PPARGC1A: variants seen among roughly 807,000 people sequenced by gnomAD.
The protein encoded by PPARGC1A is PPARG coactivator 1 alpha.
In PPARGC1A, 25 loss-of-function variants were observed where a neutral mutation model predicts 88.7. That is an observed-to-expected ratio of 0.28 (90% CI 0.21 to 0.39). The LOEUF is 0.39. Ranked by LOEUF, PPARGC1A falls within the 10% of genes least tolerant of loss-of-function variation. PPARGC1A has a pLI of 1.00. For missense variants in PPARGC1A, 880 were observed against 968.7 expected (o/e 0.91, Z 1.22); for synonymous variants, 363 against 355.6 (o/e 1.02, Z -0.24).
At chr4:24,128,531 AGTGTGTGTGTGTGTGTGT>A in the PPARGC1A span, among the ~76,000 whole-genome samples, 71 of 138,276 alleles carry the variant, frequency 5.1e-4, 1 homozygote, top group African/African-American at 1.5e-3. Flanking sequence ...AGCCTGTCAC[AGTGTGTGTGTGTGTGTGT>A]GTGTGTGTGT....
the PPARGC1A span, among the ~76,000 whole-genome samples, chr4:24,331,798 G>A: frequency 1.3e-5 from 2 of 149,434 alleles, no homozygotes; most frequent in Non-Finnish European, 3.0e-5. Flanking sequence ...TTAAGTTCTG[G>A]GATACATGTG....
chr4:23,886,441 G>C (rs914648743), intron 1 of PPARGC1A, among the ~76,000 whole-genome samples: 2 of 151,976 alleles, frequency 1.3e-5, no homozygotes, highest in Admixed American at 6.6e-5. Flanking sequence ...AGGGGAGGAT[G>C]GGGGGAGACT....
the PPARGC1A span, among the ~76,000 whole-genome samples, chr4:24,096,929 T>C: frequency 6.6e-6 from 1 of 152,120 alleles, no homozygotes; most frequent in Non-Finnish European, 1.5e-5. Flanking sequence ...CTTTAGCTTA[T>C]AGAATAAAAA....
the PPARGC1A span, among the ~76,000 whole-genome samples, chr4:24,002,974 T>C: frequency 9.3e-4 from 142 of 152,370 alleles, no homozygotes; most frequent in African/African-American, 3.3e-3. Flanking sequence ...AAAACTGTGC[T>C]CATTACATTC....
chr4:24,159,527 TAA>T, the PPARGC1A span, among the ~76,000 whole-genome samples: 8 of 152,312 alleles, frequency 5.3e-5, no homozygotes, highest in Non-Finnish European at 1.0e-4. Context: ...GTAAATTTTC[TAA>T]AGTCACATAG....
the PPARGC1A span, among the ~76,000 whole-genome samples, chr4:24,309,536 T>C: frequency 3.9e-5 from 6 of 152,134 alleles, no homozygotes; most frequent in Non-Finnish European, 7.3e-5. Context: ...AAGGAATCTA[T>C]CTAGATCACT....
the PPARGC1A span, among the ~76,000 whole-genome samples, chr4:23,937,671 A>G: frequency 2.6e-5 from 4 of 152,180 alleles, no homozygotes; most frequent in East Asian, 1.9e-4. Context: ...TCAATTTTCA[A>G]TCATTGAACA....
the PPARGC1A span, among the ~76,000 whole-genome samples, chr4:24,098,779 T>C: frequency 6.6e-6 from 1 of 152,218 alleles, no homozygotes; most frequent in African/African-American, 2.4e-5. Flanking sequence ...TTAATGGAAA[T>C]CAGATGACTT....
chr4:23,932,380 G>A, the PPARGC1A span, among the ~76,000 whole-genome samples: 2 of 152,056 alleles, frequency 1.3e-5, no homozygotes, highest in Non-Finnish European at 2.9e-5. Context: ...TCTATAGATC[G>A]AAGTGCAGAC....
At chr4:24,190,407 C>T in the PPARGC1A span, among the ~76,000 whole-genome samples, 5 of 152,030 alleles carry the variant, frequency 3.3e-5, no homozygotes, top group South Asian at 8.3e-4. Context: ...CCCAGCTACT[C>T]GGGAAGCTGA....
chr4:24,219,773 A>G, the PPARGC1A span, among the ~76,000 whole-genome samples: 1 of 152,136 alleles, frequency 6.6e-6, no homozygotes, highest in Non-Finnish European at 1.5e-5. Flanking sequence ...CCATACAGAC[A>G]TAAGCCAACA....
the PPARGC1A span, among the ~76,000 whole-genome samples, chr4:24,345,158 C>T: frequency 6.6e-6 from 1 of 152,076 alleles, no homozygotes; most frequent in East Asian, 1.9e-4. Context: ...GTGACTATAG[C>T]CTTATAGGAT....
the PPARGC1A span, among the ~76,000 whole-genome samples, chr4:24,302,484 C>T: frequency 6.6e-6 from 1 of 152,218 alleles, no homozygotes; most frequent in Non-Finnish European, 1.5e-5. Context: ...TAAACCGGGG[C>T]ACTTTGACAG....
chr4:24,047,817 T>A, the PPARGC1A span, among the ~76,000 whole-genome samples: 6 of 152,324 alleles, frequency 3.9e-5, no homozygotes, highest in South Asian at 2.1e-4. Flanking sequence ...ACAGGGAAGC[T>A]ATACAATCGT....
chr4:24,415,027 TA>T, the PPARGC1A span, among the ~76,000 whole-genome samples: 1 of 151,976 alleles, frequency 6.6e-6, no homozygotes, highest in Non-Finnish European at 1.5e-5. Context: ...CCGTCTCTAC[TA>T]AAAATAGAAA....
At chr4:24,163,425 C>G in the PPARGC1A span, among the ~76,000 whole-genome samples, 1 of 151,958 alleles carries the variant, frequency 6.6e-6, no homozygotes, top group Non-Finnish European at 1.5e-5. Context: ...TTTAAAATAT[C>G]AGCACTTTTG....
chr4:24,427,011 A>T, the PPARGC1A span, among the ~76,000 whole-genome samples: 1 of 152,194 alleles, frequency 6.6e-6, no homozygotes, highest in African/African-American at 2.4e-5. Flanking sequence ...GAAATGACAT[A>T]TCAATATTCC....
At chr4:24,110,234 A>G in the PPARGC1A span, among the ~76,000 whole-genome samples, 1 of 152,180 alleles carries the variant, frequency 6.6e-6, no homozygotes, top group East Asian at 1.9e-4. Flanking sequence ...CAATGGACAC[A>G]TTGTGTATGG....
Position 23,795,684 on chromosome 4 carries a change from G to GTTGTT in PPARGC1A, c.*133_*137dup. ...TTGTTGTTGTTCTTGTTGTATTGTT[G>GTTGTT]TTGTTTTGTTTTGTTTTTGTACAGA... On this transcript the variant is annotated 3_prime_UTR_variant, in exon 13 of 13. Transcript: ENST00000264867. 1.7e-6 allele frequency: 1 copy of GTTGTT among 594,344 alleles called. No homozygotes were observed. Among genetic ancestry groups the GTTGTT allele is most frequent in the Non-Finnish European group, 2.9e-6 (1 of 345,900 alleles). The allele number at this position is 594,344 out of a possible 1,614,324, so 36.8% of individuals were successfully genotyped here.
Sources: gnomAD v4.1 joint callset for allele counts (sites outside exome capture counted in the v4.1 genomes callset) on GRCh38, gnomAD v4.1.1 for gene constraint, MANE v1.5 for transcripts, NCBI Gene and HGNC (gene_info 2026-07-23, HGNC 2026-07-21) for gene names.